Variants in LRP1B observed in about 807,000 individuals in gnomAD.
The protein encoded by LRP1B is low-density lipoprotein receptor-related protein 1B.
Under a neutral mutation model 556.6 loss-of-function variants are expected in LRP1B, and 217 were observed. That is an observed-to-expected ratio of 0.39 (90% confidence interval 0.35 to 0.44). LRP1B has a LOEUF of 0.44. Ranked by LOEUF, LRP1B falls within the 20% of genes least tolerant of loss-of-function variation. The pLI, the probability that LRP1B is intolerant of heterozygous loss-of-function variation, is 1.00. For missense variants in LRP1B, 5,053 were observed against 5,620.8 expected (o/e 0.90, Z 3.23); for synonymous variants, 2,047 against 1,865.8 (o/e 1.10, Z -2.50).
chr2:141,257,688 T>C (rs536593737), intron 3 of LRP1B, among the ~76,000 whole-genome samples: 7 of 152,300 alleles, frequency 4.6e-5, no homozygotes, highest in Middle Eastern at 3.4e-3. Flanking sequence ...TGAGGATTTG[T>C]ATATGTGCAG....
At chr2:140,959,735 T>C (rs1695978393) in intron 18 of LRP1B, among the ~76,000 whole-genome samples, 1 of 151,778 alleles carries the variant, frequency 6.6e-6, no homozygotes, top group African/African-American at 2.4e-5. Context: ...TTCAGCCTTT[T>C]ATTTTTAGTG....
chr2:140,673,757 G>A lies in LRP1B; in HGVS notation c.6799+26493C>T, dbSNP rs77471925. On this transcript the variant is annotated intron_variant, in intron 41 of 90. Transcript: ENST00000389484. Reference sequence around the variant, plus strand: ...GAAACTTGAAAAACTAGTTCGGGCCGTGACAGAAAGTGAGGGTCCATACAT... The same window carrying A: ...GAAACTTGAAAAACTAGTTCGGGCCATGACAGAAAGTGAGGGTCCATACAT... 2.2e-3 allele frequency among the ~76,000 whole-genome samples: 335 copies of A among 152,046 alleles called. 1 individual carries two copies. The highest frequency in any genetic ancestry group is 7.5e-3 in the African/African-American group (310 of 41,480).
At chr2:141,690,806 G>T (rs1691501861) in intron 2 of LRP1B, among the ~76,000 whole-genome samples, 1 of 151,608 alleles carries the variant, frequency 6.6e-6, no homozygotes, top group South Asian at 2.1e-4. Flanking sequence ...TTGATTCTGA[G>T]CTAATTTGCA....
chr2:141,973,016 T>G (rs1160985834), intron 1 of LRP1B, among the ~76,000 whole-genome samples: 1 of 151,598 alleles, frequency 6.6e-6, no homozygotes, highest in Non-Finnish European at 1.5e-5. Context: ...CAAAAATATC[T>G]CATTTCAAGT....
intron 16 of LRP1B, among the ~76,000 whole-genome samples, chr2:140,993,345 A>G (rs559299297): frequency 6.6e-6 from 1 of 152,192 alleles, no homozygotes; most frequent in East Asian, 1.9e-4. Context: ...ACATTATTTA[A>G]TGTACTTCCC....
chr2:140,347,150 T>G (rs986178269), intron 77 of LRP1B, among the ~76,000 whole-genome samples: 1 of 151,922 alleles, frequency 6.6e-6, no homozygotes, highest in African/African-American at 2.4e-5. Flanking sequence ...CTAAAAATGA[T>G]AAATTGCCCA....
intron 3 of LRP1B, among the ~76,000 whole-genome samples, chr2:141,452,925 A>G (rs1488991026): frequency 1.3e-5 from 2 of 152,268 alleles, no homozygotes; most frequent in Non-Finnish European, 2.9e-5. Context: ...CCTGTTTTAT[A>G]TAAGTCTTTA....
chr2:141,759,302 T>C (rs1293968659), intron 2 of LRP1B, among the ~76,000 whole-genome samples: 1 of 152,158 alleles, frequency 6.6e-6, no homozygotes, highest in Non-Finnish European at 1.5e-5. Flanking sequence ...TTTGCCCTGA[T>C]AGAAGGGCAA....
At chr2:141,141,605 T>C (rs985484201) in intron 7 of LRP1B, among the ~76,000 whole-genome samples, 7 of 152,180 alleles carry the variant, frequency 4.6e-5, no homozygotes, top group Non-Finnish European at 7.4e-5. Context: ...AATGTCAACT[T>C]AAATTTAATT....
In LRP1B at chr2:141,023,909, G is replaced by A. The variant is rs574860553; in HGVS notation, c.1790-3807C>T. Among the ~76,000 whole-genome samples the A allele has an allele frequency of 1.1e-4, 17 of 152,066 alleles. No homozygotes were observed. The South Asian group carries it at 3.1e-3, about 28-fold the overall frequency. Reference sequence around the variant, plus strand: ...GAACATTATTTTTCTGAGTTGGAACGGAAGTGTCTACGTGAGTACAGAGTA... The same window carrying A: ...GAACATTATTTTTCTGAGTTGGAACAGAAGTGTCTACGTGAGTACAGAGTA... On this transcript the variant is annotated intron_variant, in intron 11 of 90. Coordinates refer to ENST00000389484, the MANE Select transcript of LRP1B (RefSeq NM_018557.3).
intron 20 of LRP1B, among the ~76,000 whole-genome samples, chr2:140,949,758 G>C (rs957479213): frequency 1.3e-5 from 2 of 151,554 alleles, no homozygotes; most frequent in African/African-American, 4.8e-5. Context: ...GGCTAACATG[G>C]TGAAACCCCG....
At chr2:140,505,253 C>T (rs1689360070) in intron 53 of LRP1B, among the ~76,000 whole-genome samples, 1 of 148,800 alleles carries the variant, frequency 6.7e-6, no homozygotes, top group Admixed American at 6.7e-5. Context: ...AAACCGAGGC[C>T]CAGGGAAGTG....
chr2:141,841,637 A>G (rs566560241), intron 1 of LRP1B, among the ~76,000 whole-genome samples: 5 of 152,166 alleles, frequency 3.3e-5, no homozygotes, highest in Non-Finnish European at 7.4e-5. Flanking sequence ...GAACATTTTT[A>G]CATGGCACGA....
Position 140,885,799 on chromosome 2 carries a change from TAAAA to T in LRP1B, c.3964+335_3964+338del, listed in dbSNP as rs3063639. On this transcript the variant is annotated intron_variant, in intron 24 of 90. Transcript: ENST00000389484. ...TTATGTTGAAAGATGGTAGCAAAATTAAAAAAAAAAAAAAAACAAGTTATTGTAA... is the reference window on the plus strand; with the variant it reads ...TTATGTTGAAAGATGGTAGCAAAATTAAAAAAAAAAAACAAGTTATTGTAA... Among the ~76,000 whole-genome samples the T allele has an allele frequency of 2.0e-4, 29 of 144,746 alleles. No individual in the cohort carries two copies. In the East Asian group the frequency reaches 4.5e-3, roughly 22 times the overall value. The allele number at this position is 144,746 out of a possible 152,430, so 95.0% of individuals were successfully genotyped here.
At chr2:140,369,714 G>A (rs1184529227) in intron 71 of LRP1B, among the ~76,000 whole-genome samples, 1 of 151,758 alleles carries the variant, frequency 6.6e-6, no homozygotes, top group Non-Finnish European at 1.5e-5. Flanking sequence ...TATCAGGTTT[G>A]GGATGGAGAT....
intron 7 of LRP1B, among the ~76,000 whole-genome samples, chr2:141,106,759 A>G (rs1274009106): frequency 6.6e-6 from 1 of 152,148 alleles, no homozygotes; most frequent in Non-Finnish European, 1.5e-5. Context: ...CCGCTGAACT[A>G]TTCTGTAGCG....
chr2:141,283,665 G>A (rs1263359972), intron 3 of LRP1B, among the ~76,000 whole-genome samples: 3 of 138,570 alleles, frequency 2.2e-5, no homozygotes, highest in Non-Finnish European at 3.0e-5. Flanking sequence ...GCGCGGTCTC[G>A]GCTCACTGCA....
chr2:141,537,842 A>G (rs1685118693), intron 2 of LRP1B, among the ~76,000 whole-genome samples: 1 of 152,136 alleles, frequency 6.6e-6, no homozygotes, highest in Non-Finnish European at 1.5e-5. Flanking sequence ...GTGCTAATAG[A>G]TAAGACAGGC....
In LRP1B at chr2:142,122,269, G is replaced by T. The variant is rs763917752; in HGVS notation, c.82+8379C>A. On this transcript the variant is annotated intron_variant, in intron 1 of 90. Transcript: ENST00000389484. ...GTGCTAAGATGTTGGTTCTTTCACT[G>T]TCAAGATTAATTTCTAAATATTTGA... Among the ~76,000 whole-genome samples, 77 of 152,062 alleles carry T rather than the reference G, an allele frequency of 5.1e-4. 1 individual carries two copies. Among genetic ancestry groups the T allele is most frequent in the Admixed American group, 1.7e-3 (26 of 15,256 alleles).
Sources: allele counts gnomAD v4.1 joint callset (sites outside exome capture counted in the v4.1 genomes callset), GRCh38; gene constraint gnomAD v4.1.1; transcripts MANE v1.5; gene names NCBI Gene and HGNC (gene_info 2026-07-23, HGNC 2026-07-21).